KCND2: variants seen among roughly 807,000 people sequenced by gnomAD.
KCND2 encodes the protein potassium voltage-gated channel subfamily D member 2.
A neutral mutation model predicts 54.4 loss-of-function variants in KCND2; 16 were observed. The observed-to-expected ratio is 0.29, with a 90% CI of 0.20 to 0.45. KCND2 has a LOEUF of 0.45. Among genes scored for constraint, KCND2 ranks in the 20% least tolerant of loss-of-function variants. The pLI, the probability that KCND2 is intolerant of heterozygous loss-of-function variation, is 1.00. For missense variants in KCND2, 486 were observed against 824.2 expected, an observed-to-expected ratio of 0.59 and a Z score of 5.02; for synonymous variants, 317 against 310.7, an observed-to-expected ratio of 1.02 and a Z score of -0.21.
In KCND2 at chr7:120,563,261, A is replaced by G. The variant is rs11979980; in HGVS notation, c.1116-169642A>G. ...GTAAGTTCAAGAATAGTTTAGAAAA[A>G]AAATACTGAAGTAGTAAAGGGCCCA... On this transcript the variant is annotated intron_variant, in intron 1 of 5. Transcript: ENST00000331113. Among the ~76,000 whole-genome samples, 179 of 152,326 alleles carry G rather than the reference A, an allele frequency of 1.2e-3. 1 individual carries two copies. Among genetic ancestry groups the G allele is most frequent in the African/African-American group, 4.0e-3 (165 of 41,582 alleles).
At chr7:120,502,160 C>T (rs905598933) in intron 1 of KCND2, among the ~76,000 whole-genome samples, 1 of 151,950 alleles carries the variant, frequency 6.6e-6, no homozygotes, top group African/African-American at 2.4e-5. Flanking sequence ...AAACTCGGTC[C>T]CATATAATAT....
Position 120,747,799 on chromosome 7 carries a change from G to C in KCND2, c.1834G>C (p.Asp612His). ...TPPVTTPEGD[D>H]RPESPEYSGG... Reference sequence around the variant, plus strand: ...TCCAGTAACCACACCAGAAGGAGACGATAGGCCAGAATCCCCTGAGTACTC... The same window carrying C: ...TCCAGTAACCACACCAGAAGGAGACCATAGGCCAGAATCCCCTGAGTACTC... Residue 612 changes from aspartate to histidine, a missense_variant, in exon 6 of 6, where the codon GAT becomes CAT. Asp to His is a moderately conservative substitution (Grantham distance 81, BLOSUM62 -1). Transcript: ENST00000331113. The C allele has an allele frequency of 6.2e-7, 1 of 1,612,662 alleles. No individual in the cohort carries two copies. Among genetic ancestry groups the C allele is most frequent in the Non-Finnish European group, 8.5e-7 (1 of 1,179,086 alleles).
At chr7:120,289,503 A>C (rs1457026669) in intron 1 of KCND2, among the ~76,000 whole-genome samples, 1 of 152,110 alleles carries the variant, frequency 6.6e-6, no homozygotes, top group Non-Finnish European at 1.5e-5. Flanking sequence ...TGAAATATGA[A>C]GTATTTCTGG....
chr7:120,550,473 A>G (rs1792092519), intron 1 of KCND2, among the ~76,000 whole-genome samples: 1 of 152,148 alleles, frequency 6.6e-6, no homozygotes, highest in African/African-American at 2.4e-5. Context: ...TGGTCAAAGG[A>G]AAGATGCAGA....
intron 1 of KCND2, among the ~76,000 whole-genome samples, chr7:120,488,949 A>G (rs972366618): frequency 3.9e-5 from 6 of 152,098 alleles, no homozygotes; most frequent in African/African-American, 7.2e-5. Context: ...ATTTTCTCCT[A>G]CCATTTCAGA....
At position 120,273,516 on chromosome 7, in the gene KCND2, C is replaced by T. The variant is rs1799114564; in HGVS notation, c.-1117C>T. Among the ~76,000 whole-genome samples the T allele has an allele frequency of 6.6e-6, 1 of 151,990 alleles. No individual in the cohort carries two copies. The highest frequency in any genetic ancestry group is 2.1e-4 in the South Asian group (1 of 4,832). ...AGGAGCGAGTCCCCTCCGTTCTCGC[C>T]TCCCCCGCACCTTTTGAACTTGTTG... On this transcript the variant is annotated 5_prime_UTR_variant, in exon 1 of 6. Coordinates refer to ENST00000331113, the MANE Select transcript of KCND2 (RefSeq NM_012281.3).
At chr7:120,512,342 CAT>C (rs1803128020) in intron 1 of KCND2, among the ~76,000 whole-genome samples, 1 of 151,378 alleles carries the variant, frequency 6.6e-6, no homozygotes, top group Non-Finnish European at 1.5e-5. Context: ...TACATATAAA[CAT>C]TTATTAAATA....
chr7:120,392,231 G>A (rs1193889488), intron 1 of KCND2, among the ~76,000 whole-genome samples: 1 of 151,964 alleles, frequency 6.6e-6, no homozygotes, highest in Non-Finnish European at 1.5e-5. Context: ...TTGTAGATGT[G>A]TGGTGTTATT....
intron 1 of KCND2, among the ~76,000 whole-genome samples, chr7:120,712,181 A>C (rs1792547498): frequency 7.4e-6 from 1 of 135,132 alleles, no homozygotes; most frequent in South Asian, 2.5e-4. Flanking sequence ...GTATCTGAAG[A>C]GTCTATTTAA....
At chr7:120,333,267 GT>G (rs1249719209) in intron 1 of KCND2, among the ~76,000 whole-genome samples, 1 of 152,052 alleles carries the variant, frequency 6.6e-6, no homozygotes, top group Non-Finnish European at 1.5e-5. Context: ...ATGAAATACT[GT>G]TTTCGAATTG....
chr7:120,397,390 T>G lies in KCND2; in HGVS notation c.1115+121643T>G, dbSNP rs547374237. Among the ~76,000 whole-genome samples, 16 of 152,164 alleles carry G rather than the reference T, an allele frequency of 1.1e-4. No homozygotes were observed. In the East Asian group the frequency reaches 3.1e-3, roughly 29 times the overall value. ...ACTTTCACTTACTCCACTGATATAG[T>G]TAAGGTCTTTTGGCCACAACTACAA... is the stretch of plus-strand genomic sequence containing the variant. On this transcript the variant is annotated intron_variant, in intron 1 of 5. Transcript: ENST00000331113.
chr7:120,665,884 C>G (rs959150482), intron 1 of KCND2, among the ~76,000 whole-genome samples: 1 of 151,924 alleles, frequency 6.6e-6, no homozygotes, highest in Non-Finnish European at 1.5e-5. Flanking sequence ...TCTGCAGATG[C>G]TCCATTAGTA....
At chr7:120,568,502 T>C (rs1792325418) in intron 1 of KCND2, among the ~76,000 whole-genome samples, 1 of 152,122 alleles carries the variant, frequency 6.6e-6, no homozygotes, top group Non-Finnish European at 1.5e-5. Flanking sequence ...AGGGCAAAGT[T>C]GTATTAAAAT....
intron 1 of KCND2, among the ~76,000 whole-genome samples, chr7:120,666,295 A>C (rs549804727): frequency 2.3e-4 from 35 of 152,152 alleles, no homozygotes; most frequent in African/African-American, 8.4e-4. Flanking sequence ...GAAAGAGCAC[A>C]ATCAGCAAGG....
chr7:120,407,946 G>A (rs1801386407), intron 1 of KCND2, among the ~76,000 whole-genome samples: 1 of 151,736 alleles, frequency 6.6e-6, no homozygotes, highest in Non-Finnish European at 1.5e-5. Context: ...GTCAAGGAAT[G>A]ATTCTAGGAA....
chr7:120,702,394 G>A (rs1219819580), intron 1 of KCND2, among the ~76,000 whole-genome samples: 2 of 152,166 alleles, frequency 1.3e-5, no homozygotes, highest in African/African-American at 4.8e-5. Flanking sequence ...ATTTCTCAAA[G>A]AGCTAAAAAC....
intron 1 of KCND2, among the ~76,000 whole-genome samples, chr7:120,657,866 G>C (rs1791822110): frequency 6.6e-6 from 1 of 151,924 alleles, no homozygotes; most frequent in East Asian, 1.9e-4. Context: ...AAGAGAGAGA[G>C]AAGATTTTAC....
chr7:120,299,637 A>G (rs1411408117), intron 1 of KCND2, among the ~76,000 whole-genome samples: 1 of 152,200 alleles, frequency 6.6e-6, no homozygotes, highest in Non-Finnish European at 1.5e-5. Context: ...GGCTTCTTTC[A>G]TCAAGTTCTC....
At chr7:120,413,718 T>C (rs1326465784) in intron 1 of KCND2, among the ~76,000 whole-genome samples, 1 of 152,030 alleles carries the variant, frequency 6.6e-6, no homozygotes, top group African/African-American at 2.4e-5. Flanking sequence ...TGTAGTTGAT[T>C]GGAAAAGAGA....
Sources: gnomAD v4.1 joint callset for allele counts (sites outside exome capture counted in the v4.1 genomes callset) on GRCh38, gnomAD v4.1.1 for gene constraint, MANE v1.5 for transcripts, NCBI Gene and HGNC (gene_info 2026-07-23, HGNC 2026-07-21) for gene names.